CSMD1: variants seen among roughly 807,000 people sequenced by gnomAD.
CSMD1 encodes the protein CUB and sushi domain-containing protein 1.
A neutral mutation model predicts 417.5 loss-of-function variants in CSMD1; 213 were observed. That is an observed-to-expected ratio of 0.51 (90% CI 0.46 to 0.57). The LOEUF is 0.57. CSMD1 is among the 20% of genes least tolerant of loss of function. The pLI, the probability that CSMD1 is intolerant of heterozygous loss-of-function variation, is 0.00. For synonymous variants in CSMD1, 2,862 were observed against 1,736.8 expected (o/e 1.65, Z -16.11); for missense variants, 6,923 against 4,529.7 (o/e 1.53, Z -15.17).
At chr8:4,092,658 C>A (rs1393699529) in intron 3 of CSMD1, among the ~76,000 whole-genome samples, 1 of 152,134 alleles carries the variant, frequency 6.6e-6, no homozygotes, top group Admixed American at 6.5e-5. Flanking sequence ...CATTTCCAAA[C>A]AGAATTCAGT....
At chr8:4,123,190 T>C (rs1011287583) in intron 3 of CSMD1, among the ~76,000 whole-genome samples, 1 of 152,218 alleles carries the variant, frequency 6.6e-6, no homozygotes, top group African/African-American at 2.4e-5. Context: ...GGCTACATGA[T>C]GGAAGGGTTA....
chr8:3,453,780 T>C (rs1815912275), intron 12 of CSMD1, among the ~76,000 whole-genome samples: 3 of 152,252 alleles, frequency 2.0e-5, no homozygotes, highest in Admixed American at 6.5e-5. Flanking sequence ...GAAAAGAATA[T>C]ATATTCTATT....
chr8:2,983,095 T>C (rs939958118), intron 54 of CSMD1, among the ~76,000 whole-genome samples: 1 of 152,200 alleles, frequency 6.6e-6, no homozygotes, highest in Admixed American at 6.5e-5. Context: ...AATTAGATAA[T>C]GTAATTCCAA....
At chr8:3,441,569 T>G (rs917125497) in intron 12 of CSMD1, among the ~76,000 whole-genome samples, 3 of 151,512 alleles carry the variant, frequency 2.0e-5, no homozygotes, top group Non-Finnish European at 4.4e-5. Context: ...TGATGGATCA[T>G]GTATACAATG....
chr8:3,521,001 C>G (rs1797484875), intron 10 of CSMD1, among the ~76,000 whole-genome samples: 3 of 152,126 alleles, frequency 2.0e-5, no homozygotes, highest in Admixed American at 6.6e-5. Context: ...AAAGCCCTCT[C>G]TGGAGCATCC....
chr8:4,373,476 TAA>T (rs918406177), intron 3 of CSMD1, among the ~76,000 whole-genome samples: 4 of 152,186 alleles, frequency 2.6e-5, no homozygotes, highest in African/African-American at 9.7e-5. Flanking sequence ...CCCATAAATC[TAA>T]AACTGTCCTA....
At chr8:4,412,485 G>C (rs896696562) in intron 3 of CSMD1, among the ~76,000 whole-genome samples, 1 of 152,146 alleles carries the variant, frequency 6.6e-6, no homozygotes, top group African/African-American at 2.4e-5. Flanking sequence ...CACGGTTCCT[G>C]TCCAGCCTGC....
intron 3 of CSMD1, among the ~76,000 whole-genome samples, chr8:4,202,822 A>C (rs1235822739): frequency 6.6e-6 from 1 of 152,224 alleles, no homozygotes; most frequent in African/African-American, 2.4e-5. Context: ...CTAGAAAAAG[A>C]GGGCAGTGAA....
intron 22 of CSMD1, among the ~76,000 whole-genome samples, chr8:3,346,964 G>C (rs1158472820): frequency 1.3e-5 from 2 of 152,202 alleles, no homozygotes; most frequent in East Asian, 3.9e-4. Context: ...GCAGGTGACT[G>C]GACGGATGAT....
chr8:3,922,303 A>G (rs867037776), intron 5 of CSMD1, among the ~76,000 whole-genome samples: 51 of 152,036 alleles, frequency 3.4e-4, no homozygotes, highest in African/African-American at 1.2e-3. Flanking sequence ...AAAAGCATAT[A>G]GTTGGATCTT....
At chr8:4,753,128 C>T (rs74503534) in intron 1 of CSMD1, among the ~76,000 whole-genome samples, 1 of 152,104 alleles carries the variant, frequency 6.6e-6, no homozygotes, top group Non-Finnish European at 1.5e-5. Flanking sequence ...ATAAGAAAAG[C>T]GAGGCTTAGA....
At chr8:4,732,601 C>T (rs1809975448) in intron 1 of CSMD1, among the ~76,000 whole-genome samples, 1 of 152,070 alleles carries the variant, frequency 6.6e-6, no homozygotes, top group Non-Finnish European at 1.5e-5. Context: ...TCATGACCAC[C>T]CCAGACAGCA....
chr8:4,890,638 G>T (rs1466218181), intron 1 of CSMD1, among the ~76,000 whole-genome samples: 1 of 151,940 alleles, frequency 6.6e-6, no homozygotes, highest in Non-Finnish European at 1.5e-5. Context: ...ACAGCCATGG[G>T]CATCCTGGGC....
At chr8:4,291,597 T>G (rs78718310) in intron 3 of CSMD1, among the ~76,000 whole-genome samples, 1,785 of 152,328 alleles carry the variant, frequency 0.012, 14 homozygotes, top group Admixed American at 0.016. Flanking sequence ...ATTTAATTTC[T>G]GTGGTCATTT....
At chr8:4,138,725 T>C (rs1803592237) in intron 3 of CSMD1, among the ~76,000 whole-genome samples, 1 of 152,186 alleles carries the variant, frequency 6.6e-6, no homozygotes, top group African/African-American at 2.4e-5. Flanking sequence ...TAAGTGCCAA[T>C]TTAACTAGAG....
chr8:3,094,561 T>G (rs985839532), intron 47 of CSMD1, among the ~76,000 whole-genome samples: 2 of 152,140 alleles, frequency 1.3e-5, no homozygotes, highest in African/African-American at 4.8e-5. Flanking sequence ...AAGGAAGGTA[T>G]CCATTTCTGT....
chr8:3,496,759 G>C (rs536214678), intron 10 of CSMD1, among the ~76,000 whole-genome samples: 228 of 152,188 alleles, frequency 1.5e-3, no homozygotes, highest in African/African-American at 5.4e-3. Flanking sequence ...CTGGGAGGTG[G>C]AGGTTGCAGT....
intron 23 of CSMD1, among the ~76,000 whole-genome samples, chr8:3,328,289 T>C (rs1270207569): frequency 4.6e-5 from 7 of 152,200 alleles, no homozygotes; most frequent in African/African-American, 9.6e-5. Flanking sequence ...TTTTTCCACA[T>C]TGGCGCTTCT....
At chr8:3,741,503 T>C (rs1289202207) in intron 6 of CSMD1, among the ~76,000 whole-genome samples, 2 of 152,242 alleles carry the variant, frequency 1.3e-5, no homozygotes, top group East Asian at 1.9e-4. Flanking sequence ...GTACTTCCCA[T>C]TTCCTTTTGT....
Sources: allele counts gnomAD v4.1 joint callset (sites outside exome capture counted in the v4.1 genomes callset), GRCh38; gene constraint gnomAD v4.1.1; transcripts MANE v1.5; gene names NCBI Gene and HGNC (gene_info 2026-07-23, HGNC 2026-07-21).